Variants in DOCK3 observed in about 807,000 individuals in gnomAD.
The protein encoded by DOCK3 is dedicator of cytokinesis 3, also known as dedicator of cytokinesis protein 3.
A neutral mutation model predicts 265.6 loss-of-function variants in DOCK3; 60 were observed. That is an observed-to-expected ratio of 0.23 (90% CI 0.18 to 0.28). The LOEUF (loss-of-function observed/expected upper bound fraction) is 0.28. DOCK3 is among the 10% of genes least tolerant of loss of function. DOCK3 has a pLI of 1.00. For missense variants in DOCK3, 1,981 were observed against 2,594.3 expected, an observed-to-expected ratio of 0.76 and a Z score of 5.14; for synonymous variants, 881 against 938.0, an observed-to-expected ratio of 0.94 and a Z score of 1.11.
At chr3:51,194,084 A>G (rs979069428) in intron 12 of DOCK3, among the ~76,000 whole-genome samples, 2 of 152,050 alleles carry the variant, frequency 1.3e-5, no homozygotes, top group African/African-American at 2.4e-5. Context: ...TATGTCCTAC[A>G]GGTTTGGTAT....
At chr3:50,990,678 G>A (rs2078072409) in intron 5 of DOCK3, among the ~76,000 whole-genome samples, 1 of 152,184 alleles carries the variant, frequency 6.6e-6, no homozygotes, top group South Asian at 2.1e-4. Context: ...GGGCTGAGGA[G>A]CAAGGAAGCC....
intron 9 of DOCK3, among the ~76,000 whole-genome samples, chr3:51,111,668 T>G (rs2083524919): frequency 6.6e-6 from 1 of 152,150 alleles, no homozygotes; most frequent in African/African-American, 2.4e-5. Flanking sequence ...AAAGATTTCA[T>G]GATGAAAACA....
intron 1 of DOCK3, among the ~76,000 whole-genome samples, chr3:50,706,064 G>A (rs1335260454): frequency 3.3e-5 from 5 of 151,610 alleles, no homozygotes; most frequent in Admixed American, 1.3e-4. Context: ...TCTCCTGTAC[G>A]CTCACTTCTC....
intron 2 of DOCK3, among the ~76,000 whole-genome samples, chr3:50,815,645 G>A (rs1303514091): frequency 6.6e-6 from 1 of 151,416 alleles, no homozygotes; most frequent in Non-Finnish European, 1.5e-5. Flanking sequence ...GTGTTTGAAT[G>A]CCTGAAAAGA....
chr3:51,079,976 CAATT>C (rs1031929552), intron 7 of DOCK3, among the ~76,000 whole-genome samples: 23 of 152,126 alleles, frequency 1.5e-4, no homozygotes, highest in African/African-American at 5.1e-4. Context: ...CTTCTTGTGT[CAATT>C]AATATTTTTA....
intron 5 of DOCK3, among the ~76,000 whole-genome samples, chr3:51,041,170 A>G (rs1358734306): frequency 7.6e-4 from 7 of 9,266 alleles, no homozygotes; most frequent in South Asian, 6.0e-3. Context: ...ATGTATATAT[A>G]TATATATATA....
At chr3:51,364,782 C>T (rs924922996) in intron 49 of DOCK3, among the ~76,000 whole-genome samples, 3 of 152,156 alleles carry the variant, frequency 2.0e-5, no homozygotes, top group East Asian at 3.8e-4. Context: ...TGTCAAAGAT[C>T]AGATGGTTGT....
intron 4 of DOCK3, among the ~76,000 whole-genome samples, chr3:50,919,318 A>G (rs563594967): frequency 5.9e-5 from 9 of 152,278 alleles, no homozygotes; most frequent in African/African-American, 2.2e-4. Context: ...TGATGGGGAT[A>G]GCATTGAATC....
At chr3:50,934,918 A>G (rs1391535054) in intron 5 of DOCK3, among the ~76,000 whole-genome samples, 1 of 152,184 alleles carries the variant, frequency 6.6e-6, no homozygotes, top group East Asian at 1.9e-4. Context: ...TACTAATCAC[A>G]ACAAAAAGCC....
At chr3:50,990,404 A>G (rs1289630087) in intron 5 of DOCK3, among the ~76,000 whole-genome samples, 1 of 152,198 alleles carries the variant, frequency 6.6e-6, no homozygotes, top group Non-Finnish European at 1.5e-5. Context: ...AAAGGAAGCT[A>G]GAGAGAAAGG....
intron 9 of DOCK3, among the ~76,000 whole-genome samples, chr3:51,144,689 A>G (rs1373955421): frequency 1.3e-5 from 2 of 152,194 alleles, no homozygotes; most frequent in African/African-American, 2.4e-5. Context: ...CTGCATGTCT[A>G]ACTGCCTACC....
At chr3:50,936,891 A>G (rs2051393087) in intron 5 of DOCK3, among the ~76,000 whole-genome samples, 1 of 152,208 alleles carries the variant, frequency 6.6e-6, no homozygotes, top group African/African-American at 2.4e-5. Context: ...GGGTAGATTA[A>G]TTATCTCTTC....
intron 9 of DOCK3, among the ~76,000 whole-genome samples, chr3:51,129,746 C>T (rs777041660): frequency 1.3e-5 from 2 of 152,174 alleles, no homozygotes; most frequent in East Asian, 1.9e-4. Context: ...GCCTCCGCTA[C>T]GATTCACCTA....
At chr3:51,181,115 A>C (rs1169531425) in intron 12 of DOCK3, among the ~76,000 whole-genome samples, 1 of 152,234 alleles carries the variant, frequency 6.6e-6, no homozygotes, top group Non-Finnish European at 1.5e-5. Context: ...AACATGTACA[A>C]GTTGTAAAAG....
intron 12 of DOCK3, among the ~76,000 whole-genome samples, chr3:51,170,081 A>T (rs926157338): frequency 6.6e-6 from 1 of 152,206 alleles, no homozygotes. Flanking sequence ...TGTTCATTGG[A>T]CATATTGGGT....
chr3:50,702,815 T>C (rs2036140465), intron 1 of DOCK3, among the ~76,000 whole-genome samples: 1 of 152,154 alleles, frequency 6.6e-6, no homozygotes, highest in South Asian at 2.1e-4. Context: ...GACTTCCTTT[T>C]TCTCAGTTTG....
intron 3 of DOCK3, among the ~76,000 whole-genome samples, chr3:50,859,184 A>G (rs949928191): frequency 2.0e-5 from 3 of 148,712 alleles, no homozygotes; most frequent in African/African-American, 7.4e-5. Flanking sequence ...AGCCTGGTCA[A>G]GAACTCTTGT....
At chr3:51,176,461 A>T (rs988460332) in intron 12 of DOCK3, among the ~76,000 whole-genome samples, 43 of 41,368 alleles carry the variant, frequency 1.0e-3, no homozygotes, top group African/African-American at 3.9e-3. Context: ...ACTAAAAAAT[A>T]AAAAAAAAAA....
chr3:50,947,145 C>G (rs1468300139), intron 5 of DOCK3, among the ~76,000 whole-genome samples: 4 of 151,950 alleles, frequency 2.6e-5, no homozygotes, highest in Admixed American at 1.3e-4. Context: ...CTTACCTTCA[C>G]TACTGTCTGT....
Sources: allele counts gnomAD v4.1 joint callset (sites outside exome capture counted in the v4.1 genomes callset), GRCh38; gene constraint gnomAD v4.1.1; transcripts MANE v1.5; gene names NCBI Gene and HGNC (gene_info 2026-07-23, HGNC 2026-07-21).